The following ALDH7A1 variants were observed in gnomAD, a reference collection of about 807,000 sequenced individuals.
The protein encoded by ALDH7A1 is aldehyde dehydrogenase 7 family member A1.
Under a neutral mutation model 79.9 loss-of-function variants are expected in ALDH7A1, and 63 were observed. The observed-to-expected ratio is 0.79, with a 90% confidence interval of 0.64 to 0.97. The LOEUF (loss-of-function observed/expected upper bound fraction) is 0.97, where lower values mean the gene tolerates loss of function less well. Among genes scored for constraint, ALDH7A1 ranks in the 50% least tolerant of loss-of-function variants. The probability of loss-of-function intolerance (pLI) is 0.00; values close to 1 mark genes in which losing one functional copy is unlikely to be tolerated. For synonymous variants in ALDH7A1, 240 were observed against 231.2 expected, an observed-to-expected ratio of 1.04 and a Z score of -0.34; for missense variants, 627 against 665.2, an observed-to-expected ratio of 0.94 and a Z score of 0.63.
intron 9 of ALDH7A1, chr5:126,564,312 A>AT (rs1295374051): frequency 4.1e-5 from 12 of 296,106 alleles, no homozygotes; most frequent in Admixed American, 3.6e-4. Context: ...CACCTAGCTA[A>AT]TTTTTTTGTA....
chr5:126,570,956 TTCTC>T (rs1750749762), intron 7 of ALDH7A1, 97 bp from the exon 8 acceptor site: 1 of 1,159,160 alleles, frequency 8.6e-7, no homozygotes, highest in South Asian at 1.2e-5. Flanking sequence ...TTTTTCAACT[TTCTC>T]TCCCATCCCT....
intron 3 of ALDH7A1, among the ~76,000 whole-genome samples, chr5:126,589,271 C>T (rs1186343317): frequency 1.3e-5 from 2 of 152,020 alleles, no homozygotes; most frequent in African/African-American, 2.4e-5. Context: ...GATTCTCCTG[C>T]CTCAGCCTCC....
chr5:126,589,905 A>G (rs182256817), intron 3 of ALDH7A1, among the ~76,000 whole-genome samples: 46 of 127,052 alleles, frequency 3.6e-4, no homozygotes, highest in South Asian at 8.1e-4. Flanking sequence ...AGTGAGGAGC[A>G]CCTCTGCCCA....
At chr5:126,549,586 C>A in intron 16 of ALDH7A1, 2 of 248,036 alleles carry the variant, frequency 8.1e-6, no homozygotes, top group Non-Finnish European at 7.8e-6. Flanking sequence ...AAATAAAAAC[C>A]AGAATATTTC....
At chr5:126,559,851 T>G (rs970182292) in intron 10 of ALDH7A1, among the ~76,000 whole-genome samples, 2 of 152,082 alleles carry the variant, frequency 1.3e-5, no homozygotes, top group Non-Finnish European at 2.9e-5. Context: ...CCAAGGAAGA[T>G]TATGAGCTCT....
At chr5:126,585,859 TTAAC>T (rs1298485892) in intron 3 of ALDH7A1, among the ~76,000 whole-genome samples, 2 of 152,108 alleles carry the variant, frequency 1.3e-5, no homozygotes, top group African/African-American at 2.4e-5. Context: ...TTCCTACCCT[TTAAC>T]TAAGCAGCTC....
chr5:126,550,504 AAATATTAACACATT>A (rs1749959251), intron 14 of ALDH7A1, among the ~76,000 whole-genome samples: 1 of 146,106 alleles, frequency 6.8e-6, no homozygotes, highest in Admixed American at 6.7e-5. Flanking sequence ...TATCAGAAAC[AAATATTAACACATT>A]CTTCCTTTCA....
chr5:126,544,663 G>T lies in ALDH7A1; in HGVS notation c.*302C>A, dbSNP rs775192146. The T allele has an allele frequency of 1.3e-5, 5 of 383,124 alleles. No homozygotes were observed. The highest frequency in any genetic ancestry group is 2.4e-5 in the Non-Finnish European group (5 of 204,550). The allele number at this position is 383,124 out of a possible 1,614,324, so 23.7% of individuals were successfully genotyped here. ...TTTTCCCAAATTCCTACCCTGGTAC[G>T]TACTATTTTTTTCTAATTACAAAAT... On this transcript the variant is annotated 3_prime_UTR_variant, in exon 18 of 18. Coordinates refer to ENST00000409134, the MANE Select transcript of ALDH7A1 (RefSeq NM_001182.5).
At chr5:126,550,861 T>C (rs1010748402) in intron 14 of ALDH7A1, among the ~76,000 whole-genome samples, 1 of 152,388 alleles carries the variant, frequency 6.6e-6, no homozygotes, top group South Asian at 2.1e-4. Flanking sequence ...ATTATTTTAC[T>C]GTTAATAATG....
chr5:126,568,106 TA>T (rs1750652325), intron 9 of ALDH7A1, 152 bp downstream of exon 9: 4 of 725,742 alleles, frequency 5.5e-6, no homozygotes, highest in Non-Finnish European at 9.6e-6. Flanking sequence ...ATTCTACTGC[TA>T]ATAACTGTAC....
chr5:126,564,016 G>C (rs1750488901), intron 9 of ALDH7A1, among the ~76,000 whole-genome samples: 1 of 151,848 alleles, frequency 6.6e-6, no homozygotes, highest in South Asian at 2.1e-4. Context: ...CTCATTCCTA[G>C]CTTCCAGCGA....
chr5:126,568,601 T>C (rs1561659510), intron 8 of ALDH7A1: 2 of 504,030 alleles, frequency 4.0e-6, no homozygotes, highest in East Asian at 3.8e-5. Flanking sequence ...AGGAAGTTGT[T>C]AGGGAAGAAA....
intron 4 of ALDH7A1, among the ~76,000 whole-genome samples, chr5:126,583,530 A>G (rs1751244838): frequency 6.7e-6 from 1 of 149,796 alleles, no homozygotes; most frequent in South Asian, 2.1e-4. Context: ...TATAATATAA[A>G]TTACTTTTCT....
chr5:126,559,228 A>C lies in ALDH7A1; in HGVS notation c.1008+12T>G. 6.2e-7 allele frequency: 1 copy of C among 1,611,256 alleles called. No homozygotes were observed. The highest frequency in any genetic ancestry group is 8.5e-7 in the Non-Finnish European group (1 of 1,177,620). On this transcript the variant is annotated intron_variant, in intron 11 of 17. Coordinates refer to ENST00000409134, the MANE Select transcript of ALDH7A1 (RefSeq NM_001182.5). ...AAGAGCAAGACAATCGGGCCTATGCAGATATACTCACCAGTCGCCTCGCAG... is the reference window on the plus strand; with the variant it reads ...AAGAGCAAGACAATCGGGCCTATGCCGATATACTCACCAGTCGCCTCGCAG...
At position 126,575,452 on chromosome 5, in the gene ALDH7A1, T is replaced by G. The variant is rs1750932882; in HGVS notation, c.663A>C (p.Pro221=). ...CAGCCACACTAATGAGGGAAGTGGT[T>G]GGAGCTCCTTTCCTTAAGAAGGTTA... ...CGNVCLWKGA[P]TTSLISVAVT... The change falls in exon 7 of 18, where the codon CCA becomes CCC. Residue 221 remains proline (P), a synonymous_variant. Transcript: ENST00000409134. 6.2e-7 allele frequency: 1 copy of G among 1,613,126 alleles called. No individual in the cohort carries two copies. Among genetic ancestry groups the G allele is most frequent in the Non-Finnish European group, 8.5e-7 (1 of 1,179,688 alleles).
intron 9 of ALDH7A1, among the ~76,000 whole-genome samples, chr5:126,563,021 T>G (rs1750455496): frequency 6.6e-6 from 1 of 152,196 alleles, no homozygotes; most frequent in Non-Finnish European, 1.5e-5. Context: ...GTATGGAGTT[T>G]CAGTTTTACA....
intron 5 of ALDH7A1, chr5:126,581,881 G>A (rs1264726194): frequency 3.5e-6 from 1 of 283,146 alleles, no homozygotes. Context: ...AGGAGTCTGA[G>A]GCAGAAGAAT....
In ALDH7A1 at chr5:126,559,217, C is replaced by T. The variant is rs185414225; in HGVS notation, c.1008+23G>A. 100 of 1,597,298 alleles carry T rather than the reference C, an allele frequency of 6.3e-5. No homozygotes were observed. The East Asian group carries it at 1.5e-3, about 23-fold the overall frequency. On this transcript the variant is annotated intron_variant, in intron 11 of 17. Coordinates refer to ENST00000409134, the MANE Select transcript of ALDH7A1 (RefSeq NM_001182.5). Reference sequence around the variant, plus strand: ...AGTAGTGTTTTAAGAGCAAGACAATCGGGCCTATGCAGATATACTCACCAG... The same window carrying T: ...AGTAGTGTTTTAAGAGCAAGACAATTGGGCCTATGCAGATATACTCACCAG...
intron 14 of ALDH7A1, among the ~76,000 whole-genome samples, chr5:126,550,804 G>C (rs1749970837): frequency 6.6e-6 from 1 of 152,164 alleles, no homozygotes; most frequent in Admixed American, 6.5e-5. Flanking sequence ...TTTAAAGCAA[G>C]AAATAAAGAA....
Sources: gnomAD v4.1 joint callset for allele counts (sites outside exome capture counted in the v4.1 genomes callset) on GRCh38, gnomAD v4.1.1 for gene constraint, MANE v1.5 for transcripts, NCBI Gene and HGNC (gene_info 2026-07-23, HGNC 2026-07-21) for gene names.